PLD1: variants seen among roughly 807,000 people sequenced by gnomAD.
PLD1 encodes phospholipase D1.
A neutral mutation model predicts 137.1 loss-of-function variants in PLD1; 112 were observed. The observed-to-expected ratio is 0.82, with a 90% CI of 0.70 to 0.96. PLD1 has a LOEUF of 0.96. Among genes scored for constraint, PLD1 ranks in the 40% least tolerant of loss-of-function variants. The probability of loss-of-function intolerance (pLI) is 0.00; values close to 1 mark genes in which losing one functional copy is unlikely to be tolerated. For missense variants in PLD1, 1,321 were observed against 1,342.0 expected, an observed-to-expected ratio of 0.98 and a Z score of 0.24; for synonymous variants, 431 against 454.7, an observed-to-expected ratio of 0.95 and a Z score of 0.66.
rs1717470740 is a variant in PLD1 at position 171,714,018 on chromosome 3, T to C, written c.786A>G (p.Leu262=). 1.2e-6 allele frequency: 2 copies of C among 1,606,754 alleles called. No homozygotes were observed. Among genetic ancestry groups the C allele is most frequent in the Admixed American group, 1.7e-5 (1 of 59,834 alleles). ...CACCGCTGTCTGGTTTCATATACAA[T>C]AAAAAGGAATCTTTCACTATTAACC... The part of the protein sequence containing the change: ...KRWLIVKDSF[L]LYMKPDSGAI... The change falls in exon 9 of 27, where the codon TTA becomes TTG. Residue 262 remains leucine (L), a synonymous_variant. Coordinates refer to ENST00000351298, the MANE Select transcript of PLD1 (RefSeq NM_002662.5).
At chr3:171,759,704 C>T (rs147121138) in intron 1 of PLD1, among the ~76,000 whole-genome samples, 4 of 152,250 alleles carry the variant, frequency 2.6e-5, no homozygotes, top group East Asian at 1.9e-4. Flanking sequence ...ATACACATAC[C>T]GTTTTGTTTC....
At position 171,642,833 on chromosome 3, in the gene PLD1, T is replaced by G; in HGVS notation, c.2593+7A>C. 1 of 1,535,600 alleles carries G rather than the reference T, an allele frequency of 6.5e-7. No homozygotes were observed. The highest frequency in any genetic ancestry group is 8.9e-7 in the Non-Finnish European group (1 of 1,121,220). On this transcript the variant is annotated splice_region_variant and intron_variant, in intron 23 of 26. Transcript: ENST00000351298. The stretch of plus-strand genomic sequence containing the variant: ...ACAATGATATGAGAAAAAAAGCAGT[T>G]ACTTACGCTCTGCTTTTAACTGTCC...
rs532279990 is a variant in PLD1 at position 171,765,805 on chromosome 3, G to A, written c.-31-27723C>T. On this transcript the variant is annotated intron_variant, in intron 1 of 26. Transcript: ENST00000351298. The stretch of plus-strand genomic sequence containing the variant: ...TCCCTTTCATCACATCATCAACTGC[G>A]TTTAGACCAAAGAATTGTTATCCAG... Among the ~76,000 whole-genome samples the A allele has an allele frequency of 2.3e-4, 35 of 152,290 alleles. No homozygotes were observed. In the South Asian group the frequency reaches 6.2e-3, roughly 27 times the overall value.
chr3:171,689,511 C>T (rs1401023532), intron 13 of PLD1, among the ~76,000 whole-genome samples: 1 of 151,350 alleles, frequency 6.6e-6, no homozygotes, highest in African/African-American at 2.4e-5. Flanking sequence ...TCCTTCCTTC[C>T]TTTCTTTCTT....
chr3:171,724,703 A>T lies in PLD1; in HGVS notation c.751T>A (p.Ser251Thr). 1 of 1,596,182 alleles carries T rather than the reference A, an allele frequency of 6.3e-7. No individual in the cohort carries two copies. Among genetic ancestry groups the T allele is most frequent in the African/African-American group, 1.3e-5 (1 of 74,690 alleles). Reference protein sequence around the residue: ...CGQGRACYRWSKRWLIVKDSF... With the variant: ...CGQGRACYRWTKRWLIVKDSF... ...AAACTCACTAATTCCTACCTTTTTG[A>T]CCATCTGTAGCAGGCTCTTCCCTGA... Residue 251 changes from serine (S) to threonine (T), a missense_variant, in exon 8 of 27, where the codon TCA (serine) becomes ACA (threonine). Ser to Thr is a moderately conservative substitution (Grantham distance 58, BLOSUM62 1). Transcript: ENST00000351298.
intron 21 of PLD1, among the ~76,000 whole-genome samples, chr3:171,645,811 G>A (rs373489501): frequency 6.6e-6 from 1 of 151,092 alleles, no homozygotes; most frequent in Non-Finnish European, 1.5e-5. Context: ...GTGAACCCGG[G>A]TGGCGGAGCT....
chr3:171,792,543 G>A (rs752752283), intron 1 of PLD1: 2 of 456,312 alleles, frequency 4.4e-6, no homozygotes, highest in Admixed American at 4.7e-5. Flanking sequence ...CAAACCAGGG[G>A]ACAAACCAGG....
rs376692638 is a variant in PLD1, at chr3:171,612,297, A to G, written c.2864T>C (p.Leu955Pro). 1.8e-5 allele frequency: 29 copies of G among 1,614,150 alleles called. No individual in the cohort carries two copies. The highest frequency in any genetic ancestry group is 2.3e-5 in the Non-Finnish European group (27 of 1,179,976). The change falls in exon 25 of 27, where the codon CTT (leucine) becomes CCT (proline). Residue 955 changes from leucine (L) to proline (P), a missense_variant. By Grantham distance (98) the Leu-to-Pro change is moderately conservative (BLOSUM62 -3). Transcript: ENST00000351298. The surrounding 1 kb of genome is among the most constrained non-coding windows in gnomAD (Gnocchi z 4.1). ...GACTGACCTAAAGCACTGTAGCCGAAGTCCTCGGGCAAACCGGCCAGCTTG... is the reference window on the plus strand; with the variant it reads ...GACTGACCTAAAGCACTGTAGCCGAGGTCCTCGGGCAAACCGGCCAGCTTG... ...EYQAGRFARG[L>P]RLQCFRVVLG...
chr3:171,768,247 T>C (rs1016468446), intron 1 of PLD1, among the ~76,000 whole-genome samples: 1 of 152,090 alleles, frequency 6.6e-6, no homozygotes, highest in Non-Finnish European at 1.5e-5. Flanking sequence ...ATTACTAAAA[T>C]AGTGAATTTC....
At chr3:171,624,568 T>A (rs1001209745) in intron 23 of PLD1, among the ~76,000 whole-genome samples, 1 of 152,112 alleles carries the variant, frequency 6.6e-6, no homozygotes, top group African/African-American at 2.4e-5. Flanking sequence ...TATGTATATA[T>A]ATTAATATAT....
intron 19 of PLD1, among the ~76,000 whole-genome samples, chr3:171,668,825 A>C (rs1445726947): frequency 4.6e-5 from 7 of 152,198 alleles, no homozygotes; most frequent in Non-Finnish European, 1.0e-4. Context: ...AGACATGTCA[A>C]ATATCCTCTG....
intron 21 of PLD1, among the ~76,000 whole-genome samples, chr3:171,656,804 C>T (rs1737239580): frequency 6.6e-6 from 1 of 152,180 alleles, no homozygotes; most frequent in Non-Finnish European, 1.5e-5. Context: ...GCATGTAGGC[C>T]ACGGAATACT....
chr3:171,785,661 A>T (rs1219271908), intron 1 of PLD1, among the ~76,000 whole-genome samples: 1 of 151,322 alleles, frequency 6.6e-6, no homozygotes. Context: ...CTGGTCTTGA[A>T]CTCCTGACCT....
intron 25 of PLD1, among the ~76,000 whole-genome samples, chr3:171,607,104 T>C (rs1250826953): frequency 6.6e-6 from 1 of 152,336 alleles, no homozygotes; most frequent in East Asian, 1.9e-4. Flanking sequence ...TCTGGCACCA[T>C]AGGCTTTCTA....
chr3:171,716,526 A>G (rs1319799781), intron 8 of PLD1, among the ~76,000 whole-genome samples: 1 of 152,112 alleles, frequency 6.6e-6, no homozygotes, highest in African/African-American at 2.4e-5. Context: ...TTTCTTGGCC[A>G]TATGTATGTC....
chr3:171,623,203 A>G (rs1331130671), intron 23 of PLD1, among the ~76,000 whole-genome samples: 1 of 152,166 alleles, frequency 6.6e-6, no homozygotes, highest in Non-Finnish European at 1.5e-5. Flanking sequence ...AAAAATGCCA[A>G]CAAGTTCTCA....
chr3:171,711,900 T>A (rs969089235), intron 9 of PLD1, among the ~76,000 whole-genome samples: 3 of 150,648 alleles, frequency 2.0e-5, no homozygotes, highest in African/African-American at 7.4e-5. Context: ...TTCTGCCTAC[T>A]ACTAAGAGGG....
Position 171,602,824 on chromosome 3 carries a change from A to C in PLD1, c.*254T>G, listed in dbSNP as rs924005931. On this transcript the variant is annotated 3_prime_UTR_variant, in exon 27 of 27. Transcript: ENST00000351298. ...TATACGGAATTTGAATATGTGTTTT[A>C]CTCAACAGAGTACATGCTACCAACA... 1.5e-5 allele frequency: 7 copies of C among 479,430 alleles called. No homozygotes were observed. Among genetic ancestry groups the C allele is most frequent in the African/African-American group, 7.7e-5 (4 of 51,842 alleles). The allele number at this position is 479,430 out of a possible 1,614,324, so 29.7% of individuals were successfully genotyped here.
rs951598757 is a variant in PLD1 at position 171,801,300 on chromosome 3, C to T, written c.-32+9099G>A. On this transcript the variant is annotated intron_variant, in intron 1 of 26. Transcript: ENST00000351298. Reference sequence around the variant, plus strand: ...ACAGGATGAAAGCTTTCACTGCCAACTTTATTGGCCTTCCAGGCAATGGAT... The same window carrying T: ...ACAGGATGAAAGCTTTCACTGCCAATTTTATTGGCCTTCCAGGCAATGGAT... Among the ~76,000 whole-genome samples, 4 of 152,388 alleles carry T rather than the reference C, an allele frequency of 2.6e-5. 1 individual carries two copies. The highest frequency in any genetic ancestry group is 2.0e-4 in the Admixed American group (3 of 15,314).
Sources: gnomAD v4.1 joint callset for allele counts (sites outside exome capture counted in the v4.1 genomes callset) on GRCh38, gnomAD v4.1.1 for gene constraint, Gnocchi (gnomAD v3.1) non-coding constraint, MANE v1.5 for transcripts, NCBI Gene and HGNC (gene_info 2026-07-23, HGNC 2026-07-21) for gene names.